Variants in LIPM observed in about 807,000 individuals in gnomAD.
LIPM encodes lipase family member M.
LIPM carries 42 observed loss-of-function variants against 42.4 expected under a neutral mutation model. That is an observed-to-expected ratio of 0.99 (90% CI 0.77 to 1.28). The LOEUF (loss-of-function observed/expected upper bound fraction) is 1.28, where lower values mean the gene tolerates loss of function less well. LIPM is among the 50% of genes most tolerant of loss of function. The pLI, the probability that LIPM is intolerant of heterozygous loss-of-function variation, is 0.00. For missense variants in LIPM, 524 were observed against 520.1 expected, an observed-to-expected ratio of 1.01 and a Z score of -0.07; for synonymous variants, 177 against 173.3, an observed-to-expected ratio of 1.02 and a Z score of -0.17.
chr10:88,811,526 C>G (rs1253720563), intron 2 of LIPM, among the ~76,000 whole-genome samples: 1 of 152,134 alleles, frequency 6.6e-6, no homozygotes, highest in East Asian at 1.9e-4. Flanking sequence ...TTGCTAATGT[C>G]AAAATAATAT....
chr10:88,815,565 C>G, intron 6 of LIPM, 62 bp downstream of exon 6: 1 of 1,445,618 alleles, frequency 6.9e-7, no homozygotes, highest in South Asian at 1.3e-5. Context: ...ATATGGCTCA[C>G]CCCTGGAGGG....
chr10:88,817,894 C>G lies in LIPM; in HGVS notation c.1000C>G (p.Gln334Glu). 3 of 1,550,012 alleles carry G rather than the reference C, an allele frequency of 1.9e-6. No homozygotes were observed. The highest frequency in any genetic ancestry group is 2.6e-6 in the Non-Finnish European group (3 of 1,145,582). Reference sequence around the variant, plus strand: ...GACCAAAAATCTGGAAAAATGCAATCAGGTAAGAAAATCAAATACCATCTG... The same window carrying G: ...GACCAAAAATCTGGAAAAATGCAATGAGGTAAGAAAATCAAATACCATCTG... ...SETKNLEKCNQPTPVRYRVRD... is the reference protein window; with the variant it reads ...SETKNLEKCNEPTPVRYRVRD... Residue 334 changes from glutamine (Q) to glutamate (E), a missense_variant and splice_region_variant, in exon 8 of 9, where the codon CAG becomes GAG. Transcript: ENST00000404743.
chr10:88,813,038 A>C, intron 2 of LIPM, 59 bp from the exon 3 acceptor site: 2 of 1,374,604 alleles, frequency 1.5e-6, no homozygotes, highest in Middle Eastern at 4.0e-4. Flanking sequence ...CTTATTCATT[A>C]CTGGACAACA....
intron 5 of LIPM, 56 bp downstream of exon 5, chr10:88,815,280 T>C: frequency 6.5e-7 from 1 of 1,547,276 alleles, no homozygotes; most frequent in Non-Finnish European, 8.7e-7. Context: ...CCAGCCCAAT[T>C]TCCTAAAACA....
At position 88,806,838 on chromosome 10, in the gene LIPM, C is replaced by T. The variant is rs576418050; in HGVS notation, c.148-1460C>T. 5.3e-5 allele frequency among the ~76,000 whole-genome samples: 8 copies of T among 152,256 alleles called. No homozygotes were observed. In the South Asian group the frequency reaches 1.7e-3, roughly 32 times the overall value. Reference sequence around the variant, plus strand: ...TAGCTAGGACTATAGGCATGCACCACCACGCCCGGCTAATTTTTTTTATTA... The same window carrying T: ...TAGCTAGGACTATAGGCATGCACCATCACGCCCGGCTAATTTTTTTTATTA... On this transcript the variant is annotated intron_variant, in intron 1 of 8. Transcript: ENST00000404743.
chr10:88,818,735 T>C (rs762320077), intron 8 of LIPM, among the ~76,000 whole-genome samples: 1 of 152,156 alleles, frequency 6.6e-6, no homozygotes, highest in African/African-American at 2.4e-5. Flanking sequence ...TCTATCTAGA[T>C]GTAAAATGCT....
At chr10:88,808,231 A>G (rs1843611534) in intron 1 of LIPM, 67 bp from the exon 2 acceptor site, 1 of 862,972 alleles carries the variant, frequency 1.2e-6, no homozygotes, top group Non-Finnish European at 1.9e-6. Flanking sequence ...ATCTACTCTT[A>G]CTTTTGGATC....
chr10:88,808,200 T>G, intron 1 of LIPM, 98 bp from the exon 2 acceptor site: 1 of 678,336 alleles, frequency 1.5e-6, no homozygotes, highest in South Asian at 1.8e-5. Context: ...GGACTTTCAC[T>G]GTGTTTTACA....
intron 2 of LIPM, among the ~76,000 whole-genome samples, chr10:88,809,583 A>C (rs999862409): frequency 6.6e-6 from 1 of 152,190 alleles, no homozygotes; most frequent in East Asian, 1.9e-4. Context: ...ATGTTAAGCA[A>C]CTTGCCCAAA....
At chr10:88,817,793 G>A in intron 7 of LIPM, 32 bp from the exon 8 acceptor site, 2 of 1,493,772 alleles carry the variant, frequency 1.3e-6, no homozygotes, top group African/African-American at 2.8e-5. Context: ...CTGAGACGTT[G>A]GAATTCCTTG....
intron 8 of LIPM, 106 bp from the exon 9 acceptor site, chr10:88,820,126 C>G: frequency 2.2e-6 from 2 of 900,224 alleles, no homozygotes; most frequent in Non-Finnish European, 3.3e-6. Flanking sequence ...ACCCATGTAC[C>G]CTTCACCACA....
At chr10:88,815,795 A>C (rs1843712336) in intron 6 of LIPM, among the ~76,000 whole-genome samples, 1 of 152,242 alleles carries the variant, frequency 6.6e-6, no homozygotes, top group African/African-American at 2.4e-5. Flanking sequence ...CATGTTAGAC[A>C]ACAGAGACAA....
chr10:88,803,146 C>T (rs557950819), intron 1 of LIPM, 103 bp downstream of exon 1: 1 of 1,268,304 alleles, frequency 7.9e-7, no homozygotes, highest in South Asian at 1.5e-5. Flanking sequence ...GTGATTCATA[C>T]TAGAAGAGCA....
Position 88,820,517 on chromosome 10 carries a change from C to G in LIPM, c.*16C>G, listed in dbSNP as rs765943609. ...CGTATTGTGAAGCATCTGACACTGA[C>G]GATCTTAGGACAACCTCCTGAGGGA... On this transcript the variant is annotated 3_prime_UTR_variant, in exon 9 of 9. Coordinates refer to ENST00000404743, the MANE Select transcript of LIPM (RefSeq NM_001128215.1). The G allele has an allele frequency of 6.5e-7, 1 of 1,544,678 alleles. No homozygotes were observed. The highest frequency in any genetic ancestry group is 8.7e-7 in the Non-Finnish European group (1 of 1,144,734).
chr10:88,805,368 G>A (rs1564594575), intron 1 of LIPM, among the ~76,000 whole-genome samples: 1 of 152,234 alleles, frequency 6.6e-6, no homozygotes, highest in Non-Finnish European at 1.5e-5. Context: ...AAAAAGGTCA[G>A]CACATAGGAC....
chr10:88,802,965 G>A lies in LIPM; in HGVS notation c.69G>A (p.Val23=). 1 of 1,551,268 alleles carries A rather than the reference G, an allele frequency of 6.4e-7. No individual in the cohort carries two copies. Among genetic ancestry groups the A allele is most frequent in the South Asian group, 1.2e-5 (1 of 84,030 alleles). The change falls in exon 1 of 9, where the codon GTG becomes GTA. Residue 23 remains valine, a synonymous_variant. Coordinates refer to ENST00000404743, the MANE Select transcript of LIPM (RefSeq NM_001128215.1). Reference sequence around the variant, plus strand: ...TGGAAATGTGGCTTCTGATTCTGGTGGCGTATATGTTCCAGAGAAATGTGA... The same window carrying A: ...TGGAAATGTGGCTTCTGATTCTGGTAGCGTATATGTTCCAGAGAAATGTGA... The part of the protein sequence containing the change: ...HRMEMWLLIL[V]AYMFQRNVNS...
At chr10:88,807,903 C>T (rs1211384290) in intron 1 of LIPM, among the ~76,000 whole-genome samples, 3 of 152,136 alleles carry the variant, frequency 2.0e-5, no homozygotes, top group Non-Finnish European at 2.9e-5. Flanking sequence ...GTTTTGGAAT[C>T]AATGTTCTGA....
intron 3 of LIPM, 30 bp downstream of exon 3, chr10:88,813,325 A>T (rs1843677177): frequency 1.4e-6 from 2 of 1,475,858 alleles, no homozygotes; most frequent in East Asian, 5.0e-5. Context: ...ACAGAGGTAG[A>T]CATGTCTGTC....
chr10:88,805,134 G>A (rs1843570896), intron 1 of LIPM, among the ~76,000 whole-genome samples: 1 of 152,154 alleles, frequency 6.6e-6, no homozygotes, highest in South Asian at 2.1e-4. Flanking sequence ...ATGATATTGT[G>A]TTATGTACTA....
Sources: allele counts gnomAD v4.1 joint callset (sites outside exome capture counted in the v4.1 genomes callset), GRCh38; gene constraint gnomAD v4.1.1; transcripts MANE v1.5; gene names NCBI Gene and HGNC (gene_info 2026-07-23, HGNC 2026-07-21).